Variants in SRGAP2B observed in about 807,000 individuals in gnomAD.
SRGAP2B encodes SLIT-ROBO Rho GTPase activating protein 2B.
In SRGAP2B, 9 loss-of-function variants were observed where a neutral mutation model predicts 22.2. The observed-to-expected ratio is 0.41, with a 90% CI of 0.24 to 0.71. SRGAP2B has a LOEUF of 0.71. Ranked by LOEUF, SRGAP2B falls within the 30% of genes least tolerant of loss-of-function variation. SRGAP2B has a pLI of 0.35. For missense variants in SRGAP2B, 114 were observed against 235.8 expected, an observed-to-expected ratio of 0.48 and a Z score of 3.38; for synonymous variants, 36 against 87.4, an observed-to-expected ratio of 0.41 and a Z score of 3.28.
At chr1:144,931,692 T>C (rs1187685471) in intron 4 of SRGAP2B, among the ~76,000 whole-genome samples, 2 of 149,790 alleles carry the variant, frequency 1.3e-5, no homozygotes, top group Admixed American at 6.6e-5. Flanking sequence ...AAAGGGCAAA[T>C]GGCAAAAGCA....
intron 3 of SRGAP2B, among the ~76,000 whole-genome samples, chr1:144,965,466 C>T (rs1221490610): frequency 6.9e-6 from 1 of 145,094 alleles, no homozygotes; most frequent in Non-Finnish European, 1.5e-5. Context: ...ACAGAAAGGA[C>T]ATCCACACCG....
At chr1:145,007,617 A>G (rs1671692697) in intron 2 of SRGAP2B, among the ~76,000 whole-genome samples, 1 of 150,628 alleles carries the variant, frequency 6.6e-6, no homozygotes, top group Non-Finnish European at 1.5e-5. Context: ...TGCCAGCTCC[A>G]CCACCTACTA....
intron 3 of SRGAP2B, among the ~76,000 whole-genome samples, chr1:144,971,323 G>T (rs1277211001): frequency 6.7e-6 from 1 of 149,312 alleles, no homozygotes; most frequent in Non-Finnish European, 1.5e-5. Flanking sequence ...TAGAGACAGG[G>T]TTTCTCCATG....
rs374850779 is a variant in SRGAP2B at position 144,972,607 on chromosome 1, G to A, written c.261-17006C>T. ...GCTCGTCTGCCAGAGATTACAACTCGTGGACTGATGCCCAGGAATCTGCCT... is the reference window on the plus strand; with the variant it reads ...GCTCGTCTGCCAGAGATTACAACTCATGGACTGATGCCCAGGAATCTGCCT... On this transcript the variant is annotated intron_variant, in intron 3 of 9. Coordinates refer to ENST00000612199, the Ensembl canonical transcript of SRGAP2B. Among the ~76,000 whole-genome samples, 254 of 126,662 alleles carry A rather than the reference G, an allele frequency of 2.0e-3. 6 individuals carry two copies. In the East Asian group the frequency reaches 0.048, roughly 24 times the overall value. The allele number at this position is 126,662 out of a possible 152,430, so 83.1% of individuals were successfully genotyped here.
chr1:145,062,034 CTT>C (rs1310994651), intron 2 of SRGAP2B, among the ~76,000 whole-genome samples: 1 of 90,416 alleles, frequency 1.1e-5, no homozygotes, highest in Non-Finnish European at 2.3e-5. Flanking sequence ...TTTTAACTGA[CTT>C]TTGGAATTAA....
intron 3 of SRGAP2B, among the ~76,000 whole-genome samples, chr1:144,986,418 C>A (rs1297656886): frequency 6.8e-6 from 1 of 148,040 alleles, no homozygotes; most frequent in African/African-American, 2.6e-5. Flanking sequence ...TATTCTGGGA[C>A]CAGTCCTAGA....
At chr1:144,980,721 CTTTT>C (rs1172310582) in intron 3 of SRGAP2B, among the ~76,000 whole-genome samples, 1 of 148,480 alleles carries the variant, frequency 6.7e-6, no homozygotes, top group African/African-American at 2.5e-5. Flanking sequence ...CCAAATCCTA[CTTTT>C]TTTTTCATTC....
intron 4 of SRGAP2B, among the ~76,000 whole-genome samples, chr1:144,925,735 GAAA>G (rs1664647029): frequency 9.8e-5 from 8 of 81,508 alleles, no homozygotes; most frequent in Non-Finnish European, 1.3e-4. Context: ...AGAAAAGAAA[GAAA>G]GAAAGAAAGA....
chr1:144,924,722 A>G (rs587658801), intron 4 of SRGAP2B, among the ~76,000 whole-genome samples: 1 of 138,242 alleles, frequency 7.2e-6, no homozygotes, highest in East Asian at 2.0e-4. Flanking sequence ...ACAGAGCGAA[A>G]CTCCGTCTCA....
At chr1:145,084,491 CT>C (rs1190445953) in intron 2 of SRGAP2B, among the ~76,000 whole-genome samples, 41 of 146,706 alleles carry the variant, frequency 2.8e-4, no homozygotes, top group African/African-American at 1.0e-3. Context: ...CTACACCTCA[CT>C]TTTTTCATCA....
intron 7 of SRGAP2B, among the ~76,000 whole-genome samples, chr1:144,902,605 A>G (rs1331510842): frequency 8.3e-5 from 11 of 133,264 alleles, no homozygotes; most frequent in African/African-American, 2.6e-4. Flanking sequence ...CTAAAAAAAT[A>G]CAAAAAATTA....
intron 3 of SRGAP2B, among the ~76,000 whole-genome samples, chr1:144,988,999 C>CTTT (rs3062880): frequency 1.3e-4 from 7 of 55,108 alleles, no homozygotes; most frequent in African/African-American, 5.2e-4. Flanking sequence ...ACTCCCCCCA[C>CTTT]TTTTTTTTTT....
rs782527276 is a variant in SRGAP2B at position 144,995,069 on chromosome 1, G to C, written c.199C>G (p.Leu67Val). The C allele has an allele frequency of 3.2e-6, 5 of 1,540,888 alleles. 1 individual carries two copies. The highest frequency in any genetic ancestry group is 2.0e-5 in the Admixed American group (1 of 49,268). The change falls in exon 3 of 10, where the codon CTG (leucine) becomes GTG (valine). Residue 67 changes from leucine to valine, a missense_variant. Physicochemically the swap from Leu to Val is conservative, Grantham distance 32 (BLOSUM62 1). Transcript: ENST00000612199. ...AGGAAGCGTTCTGCCAGCTTCTCCA[G>C]GTTGCGGGAGTAGTCCATCTCAATC...
Position 144,920,747 on chromosome 1 carries a change from A to G in SRGAP2B, c.424-5993T>C, listed in dbSNP as rs1420328421. On this transcript the variant is annotated intron_variant, in intron 4 of 9. Transcript: ENST00000612199. Reference sequence around the variant, plus strand: ...CATAACTCACTACATTTATTTTACAACTCATTAATGAGTCATTATACACAG... The same window carrying G: ...CATAACTCACTACATTTATTTTACAGCTCATTAATGAGTCATTATACACAG... Among the ~76,000 whole-genome samples, 4 of 149,968 alleles carry G rather than the reference A, an allele frequency of 2.7e-5. 1 individual carries two copies. The highest frequency in any genetic ancestry group is 1.0e-4 in the African/African-American group (4 of 39,784).
At chr1:144,953,377 G>T (rs1398938360) in intron 4 of SRGAP2B, among the ~76,000 whole-genome samples, 368 of 151,080 alleles carry the variant, frequency 2.4e-3, no homozygotes, top group African/African-American at 8.6e-3. Flanking sequence ...TCTTGATCTG[G>T]GTGCTGGTTA....
Position 144,994,553 on chromosome 1 carries a change from T to TGA in SRGAP2B, c.260+454_260+455insTC, listed in dbSNP as rs1670513464. On this transcript the variant is annotated intron_variant, in intron 3 of 9. Coordinates refer to ENST00000612199, the Ensembl canonical transcript of SRGAP2B. ...TTTACTAGGGGTGTGTGAGTGTGAG[T>TGA]GTGTGTGTGTGTGTGAGAGAGAGAG... 4.5e-4 allele frequency among the ~76,000 whole-genome samples: 14 copies of TGA among 31,028 alleles called. No homozygotes were observed. In the Admixed American group the frequency reaches 6.5e-3, roughly 14 times the overall value. 20.4% of individuals were successfully genotyped at this position (31,028 alleles called of 152,430 possible).
chr1:144,997,474 A>G (rs1553618663), intron 2 of SRGAP2B, among the ~76,000 whole-genome samples: 2 of 149,758 alleles, frequency 1.3e-5, no homozygotes. Context: ...TTAGGGTGGA[A>G]AGGCTTTCCA....
intron 2 of SRGAP2B, among the ~76,000 whole-genome samples, chr1:145,012,307 G>T (rs1430647276): frequency 6.8e-5 from 10 of 147,804 alleles, no homozygotes; most frequent in African/African-American, 2.1e-4. Flanking sequence ...TGAATCAAGA[G>T]CTGTTTTTTG....
At chr1:144,970,891 G>A (rs1180131741) in intron 3 of SRGAP2B, among the ~76,000 whole-genome samples, 1 of 149,726 alleles carries the variant, frequency 6.7e-6, no homozygotes, top group Non-Finnish European at 1.5e-5. Context: ...CAAACAAGGT[G>A]ATGCCCTTAA....
Sources: gnomAD v4.1 joint callset for allele counts (sites outside exome capture counted in the v4.1 genomes callset) on GRCh38, gnomAD v4.1.1 for gene constraint, MANE v1.5 for transcripts, NCBI Gene and HGNC (gene_info 2026-07-23, HGNC 2026-07-21) for gene names.